LRRC8B: variants seen among roughly 807,000 people sequenced by gnomAD.
The protein encoded by LRRC8B is leucine rich repeat containing 8 VRAC subunit B.
Under a neutral mutation model 58.8 loss-of-function variants are expected in LRRC8B, and 23 were observed. The ratio of observed to expected loss-of-function variants is 0.39; its 90% CI spans 0.28 to 0.55. The LOEUF (loss-of-function observed/expected upper bound fraction) is 0.55. Ranked by LOEUF, LRRC8B falls within the 20% of genes least tolerant of loss-of-function variation. The pLI, the probability that LRRC8B is intolerant of heterozygous loss-of-function variation, is 0.62. For synonymous variants in LRRC8B, 359 were observed against 374.1 expected (o/e 0.96, Z 0.47); for missense variants, 694 against 936.0 (o/e 0.74, Z 3.37).
chr1:89,580,604 C>A (rs1285790881), intron 4 of LRRC8B, among the ~76,000 whole-genome samples: 1 of 152,142 alleles, frequency 6.6e-6, no homozygotes, highest in Non-Finnish European at 1.5e-5. Flanking sequence ...TAGTTTCTGT[C>A]TTACCTCGAC....
At chr1:89,556,451 A>G (rs1477792137) in intron 1 of LRRC8B, among the ~76,000 whole-genome samples, 1 of 152,170 alleles carries the variant, frequency 6.6e-6, no homozygotes, top group Non-Finnish European at 1.5e-5. Context: ...CCCCAAATTT[A>G]TAGTCAAGTC....
rs140169749 is a variant in LRRC8B, at chr1:89,593,821, C to G, written c.*778C>G. 6.6e-6 allele frequency: 1 copy of G among 152,044 alleles called. No homozygotes were observed. Among genetic ancestry groups the G allele is most frequent in the Non-Finnish European group, 1.5e-5 (1 of 68,012 alleles). 9.4% of individuals were successfully genotyped at this position (152,044 alleles called of 1,614,324 possible). ...TCACGACTGTCTTTGATTTATGTTC[C>G]TAAATTTTTTTAGATAGGGTATGTT... On this transcript the variant is annotated 3_prime_UTR_variant, in exon 6 of 6. Coordinates refer to ENST00000330947, the MANE Select transcript of LRRC8B (RefSeq NM_001369817.2).
intron 1 of LRRC8B, chr1:89,527,015 A>C (rs1346731013): frequency 5.9e-5 from 9 of 152,336 alleles, no homozygotes; most frequent in African/African-American, 2.2e-4. Context: ...GGCTTAATAA[A>C]ACTTAAAGGA....
intron 1 of LRRC8B, among the ~76,000 whole-genome samples, chr1:89,554,194 C>T (rs7517206): frequency 0.2 from 29,972 of 152,080 alleles, 3,556 homozygotes; most frequent in Admixed American, 0.31. Flanking sequence ...TCCATCTATG[C>T]ATCTGCTCAC....
chr1:89,581,480 T>C (rs1654221029), intron 4 of LRRC8B, among the ~76,000 whole-genome samples: 1 of 152,134 alleles, frequency 6.6e-6, no homozygotes. Context: ...TTATCAGATA[T>C]TTTCTAAGAC....
chr1:89,547,158 C>T (rs1436287923), intron 1 of LRRC8B, among the ~76,000 whole-genome samples: 2 of 151,890 alleles, frequency 1.3e-5, no homozygotes, highest in Non-Finnish European at 2.9e-5. Context: ...CTCAACTCCA[C>T]ATTCAGTGAC....
rs1270171100 is a variant in LRRC8B, at chr1:89,527,010, A to C, written c.-241+1988A>C. ...CAGTAAGTAAAATGAAAAGGGGCTT[A>C]ATAAAACTTAAAGGATACTAAGCCT... is the stretch of plus-strand genomic sequence containing the variant. On this transcript the variant is annotated intron_variant, in intron 1 of 5. Transcript: ENST00000330947. 4 of 152,358 alleles carry C rather than the reference A, an allele frequency of 2.6e-5. No individual in the cohort carries two copies. In the East Asian group the frequency reaches 7.7e-4, roughly 29 times the overall value. The allele number at this position is 152,358 out of a possible 1,614,324, so 9.4% of individuals were successfully genotyped here. A position where few individuals can be genotyped will look rare whatever the true frequency, so the allele number is the denominator to read the frequency against.
At chr1:89,562,182 C>CACACACACACACACACACA (rs1557607163) in intron 1 of LRRC8B, among the ~76,000 whole-genome samples, 1 of 150,744 alleles carries the variant, frequency 6.6e-6, no homozygotes, top group Non-Finnish European at 1.5e-5. Context: ...CACACACACA[C>CACACACACACACACACACA]CCTCTGCATT....
chr1:89,557,778 T>G (rs1236096852), intron 1 of LRRC8B, among the ~76,000 whole-genome samples: 1 of 152,234 alleles, frequency 6.6e-6, no homozygotes, highest in African/African-American at 2.4e-5. Flanking sequence ...TTTATTTATG[T>G]GTTTTTATGT....
intron 5 of LRRC8B, among the ~76,000 whole-genome samples, chr1:89,588,961 A>T (rs1047444850): frequency 3.3e-5 from 5 of 152,088 alleles, no homozygotes; most frequent in African/African-American, 1.2e-4. Flanking sequence ...ATTATATGAA[A>T]CTCAAATTTC....
chr1:89,565,525 T>A lies in LRRC8B; in HGVS notation c.-240-2722T>A, dbSNP rs538533091. ...TGAAGACTTAGCCTCTGCTTCTGAA[T>A]TTCTGCCCCTGCCATGGGGTGATGG... On this transcript the variant is annotated intron_variant, in intron 1 of 5. Coordinates refer to ENST00000330947, the MANE Select transcript of LRRC8B (RefSeq NM_001369817.2). 2.0e-5 allele frequency among the ~76,000 whole-genome samples: 3 copies of A among 152,348 alleles called. No individual in the cohort carries two copies. The South Asian group carries it at 6.2e-4, about 32-fold the overall frequency.
intron 1 of LRRC8B, among the ~76,000 whole-genome samples, chr1:89,533,531 T>C (rs1293553719): frequency 6.6e-6 from 1 of 152,196 alleles, no homozygotes. Flanking sequence ...CTAGGCTCCA[T>C]TAAAGCATAC....
chr1:89,553,163 G>A (rs969012520), intron 1 of LRRC8B, among the ~76,000 whole-genome samples: 1 of 152,104 alleles, frequency 6.6e-6, no homozygotes, highest in Non-Finnish European at 1.5e-5. Flanking sequence ...CATGTAAATT[G>A]GTTAAAAACA....
rs949987797 is a variant in LRRC8B at position 89,594,691 on chromosome 1, T to TAA, written c.*1650_*1651dup. On this transcript the variant is annotated 3_prime_UTR_variant, in exon 6 of 6. Transcript: ENST00000330947. The stretch of plus-strand genomic sequence containing the variant: ...GGAAAATACATTTTGCTCCTTTTTA[T>TAA]AAAGAGCTTTGTGCTTGGCCTTTTA... 1.5e-4 allele frequency: 23 copies of TAA among 152,322 alleles called. No homozygotes were observed. The highest frequency in any genetic ancestry group is 2.9e-4 in the Non-Finnish European group (20 of 68,002). The allele number at this position is 152,322 out of a possible 1,614,324, so 9.4% of individuals were successfully genotyped here.
chr1:89,541,749 A>AAAAAAG (rs1651007195), intron 1 of LRRC8B, among the ~76,000 whole-genome samples: 1 of 125,086 alleles, frequency 8.0e-6, no homozygotes. Context: ...AAAAAAAAAA[A>AAAAAAG]GCTGGCTGTC....
intron 3 of LRRC8B, among the ~76,000 whole-genome samples, chr1:89,574,421 T>C (rs1253939001): frequency 6.6e-6 from 1 of 152,192 alleles, no homozygotes; most frequent in Non-Finnish European, 1.5e-5. Flanking sequence ...ATACTATTGC[T>C]ATTGGAGGAT....
At chr1:89,563,759 A>T (rs192814198) in intron 1 of LRRC8B, among the ~76,000 whole-genome samples, 21 of 152,338 alleles carry the variant, frequency 1.4e-4, no homozygotes, top group Non-Finnish European at 2.8e-4. Context: ...TAGTTGTCTC[A>T]ATTAATTCTT....
chr1:89,552,011 A>G (rs2100909494), intron 1 of LRRC8B, among the ~76,000 whole-genome samples: 1 of 152,128 alleles, frequency 6.6e-6, no homozygotes, highest in East Asian at 1.9e-4. Flanking sequence ...TTTTCCTTTT[A>G]CATTTCATTC....
Position 89,541,710 on chromosome 1 carries a change from C to CAAAAAAAAAAAA in LRRC8B, c.-241+16716_-241+16727dup, listed in dbSNP as rs61714771. On this transcript the variant is annotated intron_variant, in intron 1 of 5. Coordinates refer to ENST00000330947, the MANE Select transcript of LRRC8B (RefSeq NM_001369817.2). ...TGGGCGACAGAGGGAGACTCCGTCT[C>CAAAAAAAAAAAA]AAAAAAAAAAAAAAAAAAAAAAAAA... Among the ~76,000 whole-genome samples, 13 of 42,230 alleles carry CAAAAAAAAAAAA rather than the reference C, an allele frequency of 3.1e-4. 3 individuals are homozygous for CAAAAAAAAAAAA. The highest frequency in any genetic ancestry group is 1.4e-3 in the African/African-American group (13 of 9,220). The allele number at this position is 42,230 out of a possible 152,430, so 27.7% of individuals were successfully genotyped here. A position where few individuals can be genotyped will look rare whatever the true frequency, so the allele number is the denominator to read the frequency against.
Sources: gnomAD v4.1 joint callset for allele counts (sites outside exome capture counted in the v4.1 genomes callset) on GRCh38, gnomAD v4.1.1 for gene constraint, MANE v1.5 for transcripts, NCBI Gene and HGNC (gene_info 2026-07-23, HGNC 2026-07-21) for gene names.